The following PEAK1 variants were observed in gnomAD, a reference collection of about 807,000 sequenced individuals.
The protein encoded by PEAK1 is pseudopodium enriched atypical kinase 1.
Under a neutral mutation model 124.7 loss-of-function variants are expected in PEAK1, and 54 were observed. The observed-to-expected ratio is 0.43, with a 90% CI of 0.35 to 0.54. The LOEUF is 0.54. Among genes scored for constraint, PEAK1 ranks in the 20% least tolerant of loss-of-function variants. The pLI, the probability that PEAK1 is intolerant of heterozygous loss-of-function variation, is 0.01. For missense variants in PEAK1, 2,046 were observed against 2,134.5 expected (o/e 0.96, Z 0.82); for synonymous variants, 719 against 760.0 (o/e 0.95, Z 0.89).
intron 6 of PEAK1, among the ~76,000 whole-genome samples, chr15:77,242,724 A>G (rs1470580199): frequency 1.3e-5 from 2 of 152,162 alleles, no homozygotes; most frequent in Non-Finnish European, 2.9e-5. Flanking sequence ...TTATCCTTGG[A>G]ATCAGTTACT....
chr15:77,139,426 G>C (rs2053593213), intron 8 of PEAK1, among the ~76,000 whole-genome samples: 2 of 152,252 alleles, frequency 1.3e-5, no homozygotes, highest in South Asian at 2.1e-4. Context: ...ATACATAATT[G>C]TATGTGCTAT....
intron 7 of PEAK1, among the ~76,000 whole-genome samples, chr15:77,177,492 TG>T (rs35092145): frequency 0.084 from 12,810 of 152,160 alleles, 618 homozygotes; most frequent in Non-Finnish European, 0.1. Context: ...CCTAGCATTT[TG>T]CTAGGAAAAG....
chr15:77,367,195 C>T (rs561837646), intron 1 of PEAK1, among the ~76,000 whole-genome samples: 1 of 152,222 alleles, frequency 6.6e-6, no homozygotes, highest in East Asian at 1.9e-4. Context: ...GAATATTAAG[C>T]AATCATTAAA....
intron 2 of PEAK1, chr15:77,350,411 T>C: frequency 1.0e-6 from 1 of 985,378 alleles, no homozygotes; most frequent in Non-Finnish European, 1.2e-6. Context: ...TATCACTGAA[T>C]AGGGAACAGC....
chr15:77,171,440 C>A (rs1183878103), intron 7 of PEAK1, among the ~76,000 whole-genome samples: 3 of 151,696 alleles, frequency 2.0e-5, no homozygotes, highest in Non-Finnish European at 4.4e-5. Flanking sequence ...TTAAACACCA[C>A]ATGTTCTCAC....
At chr15:77,325,407 CAATA>C (rs140910763) in intron 2 of PEAK1, among the ~76,000 whole-genome samples, 24,584 of 143,896 alleles carry the variant, frequency 0.17, 2,107 homozygotes, top group Middle Eastern at 0.25. Context: ...GATCCCATCT[CAATA>C]AATAAATAAA....
chr15:77,241,725 C>T (rs2060366777), intron 6 of PEAK1, among the ~76,000 whole-genome samples: 1 of 151,266 alleles, frequency 6.6e-6, no homozygotes, highest in African/African-American at 2.4e-5. Flanking sequence ...CAGATCAGCT[C>T]CAAATAAAAA....
chr15:77,325,431 A>G (rs930500713), intron 2 of PEAK1, among the ~76,000 whole-genome samples: 3 of 150,548 alleles, frequency 2.0e-5, no homozygotes, highest in African/African-American at 7.3e-5. Flanking sequence ...ATAAATAAAT[A>G]AATAAATAAA....
chr15:77,302,233 T>C (rs943463452), intron 2 of PEAK1, among the ~76,000 whole-genome samples: 2 of 152,190 alleles, frequency 1.3e-5, no homozygotes, highest in African/African-American at 4.8e-5. Context: ...TGGAGTTTCA[T>C]TGCTTCTAGT....
chr15:77,199,543 C>G (rs1371497622), intron 6 of PEAK1, among the ~76,000 whole-genome samples: 1 of 152,170 alleles, frequency 6.6e-6, no homozygotes, highest in Non-Finnish European at 1.5e-5. Flanking sequence ...TGAAAGCCAT[C>G]AAGCCCCAAA....
At chr15:77,326,208 G>A (rs2065566282) in intron 2 of PEAK1, among the ~76,000 whole-genome samples, 2 of 151,688 alleles carry the variant, frequency 1.3e-5, no homozygotes, top group Admixed American at 6.6e-5. Flanking sequence ...TTCATCTTTG[G>A]ATTTTAAAGA....
intron 2 of PEAK1, among the ~76,000 whole-genome samples, chr15:77,317,684 A>T (rs1051224656): frequency 3.3e-5 from 5 of 152,238 alleles, no homozygotes; most frequent in Admixed American, 6.5e-5. Context: ...GCAACAAATT[A>T]TCAAAGTTGA....
intron 1 of PEAK1, chr15:77,371,142 C>G: frequency 1.0e-6 from 1 of 967,158 alleles, no homozygotes; most frequent in Non-Finnish European, 1.2e-6. Context: ...ATTAATCAAA[C>G]CAAAAGGGCT....
chr15:77,260,529 A>G (rs2061384879), intron 5 of PEAK1, among the ~76,000 whole-genome samples: 1 of 152,194 alleles, frequency 6.6e-6, no homozygotes, highest in African/African-American at 2.4e-5. Context: ...CATAAATGAA[A>G]AAAGCAATAT....
rs912839759 is a variant in PEAK1 at position 77,283,889 on chromosome 15, G to C, written c.-281C>G. 1.0e-6 allele frequency: 1 copy of C among 980,550 alleles called. No individual in the cohort carries two copies. The highest frequency in any genetic ancestry group is 6.2e-5 in the Admixed American group (1 of 16,252). 60.7% of individuals were successfully genotyped at this position (980,550 alleles called of 1,614,324 possible). ...TTACTTGCCACTTCCTTACCTCTTT[G>C]TTACTGTTATTTATATAGCTGTAGT... On this transcript the variant is annotated 5_prime_UTR_variant, in exon 5 of 10. Coordinates refer to ENST00000682557, the MANE Select transcript of PEAK1 (RefSeq NM_001385026.1).
At chr15:77,276,084 C>A (rs936172182) in intron 5 of PEAK1, among the ~76,000 whole-genome samples, 2 of 151,712 alleles carry the variant, frequency 1.3e-5, no homozygotes. Context: ...ACTAAAAAAA[C>A]AAACAGAACT....
At position 77,181,206 on chromosome 15, in the gene PEAK1, G is replaced by C. The variant is rs374537907; in HGVS notation, c.721C>G (p.Leu241Val). The C allele has an allele frequency of 3.4e-5, 55 of 1,613,812 alleles. No individual in the cohort carries two copies. The highest frequency in any genetic ancestry group is 4.0e-5 in the Non-Finnish European group (47 of 1,179,982). ...SSGEESEEDV[L>V]FSNMEEEHES... Reference sequence around the variant, plus strand: ...TGCTCCTCCTCCATGTTACTGAAAAGTACATCCTCTTCACTCTCCTCGCCA... The same window carrying C: ...TGCTCCTCCTCCATGTTACTGAAAACTACATCCTCTTCACTCTCCTCGCCA... Residue 241 changes from leucine (L) to valine (V), a missense_variant, in exon 7 of 10, where the codon CTT (leucine) becomes GTT (valine). By Grantham distance (32) the Leu-to-Val change is conservative (BLOSUM62 1). Coordinates refer to ENST00000682557, the MANE Select transcript of PEAK1 (RefSeq NM_001385026.1).
chr15:77,306,450 T>C (rs1276360995), intron 2 of PEAK1, among the ~76,000 whole-genome samples: 4 of 152,178 alleles, frequency 2.6e-5, no homozygotes, highest in South Asian at 4.1e-4. Context: ...AAAAGGCTGA[T>C]AGATGCAGGA....
chr15:77,222,208 C>T lies in PEAK1; in HGVS notation c.-115+30159G>A, dbSNP rs1158247397. ...AGAAACATAAAAAAATGAAAACATACATTTAACCTTTTTCTTTCATAGAAA... is the reference window on the plus strand; with the variant it reads ...AGAAACATAAAAAAATGAAAACATATATTTAACCTTTTTCTTTCATAGAAA... On this transcript the variant is annotated intron_variant, in intron 6 of 9. Transcript: ENST00000682557. 3.3e-5 allele frequency among the ~76,000 whole-genome samples: 5 copies of T among 152,050 alleles called. No homozygotes were observed. In the East Asian group the frequency reaches 7.7e-4, roughly 24 times the overall value.
Sources: allele counts gnomAD v4.1 joint callset (sites outside exome capture counted in the v4.1 genomes callset), GRCh38; gene constraint gnomAD v4.1.1; transcripts MANE v1.5; gene names NCBI Gene and HGNC (gene_info 2026-07-23, HGNC 2026-07-21).